PKNOX2: variants seen among roughly 807,000 people sequenced by gnomAD.
PKNOX2 encodes the protein homeobox protein PKNOX2.
In PKNOX2, 14 loss-of-function variants were observed where a neutral mutation model predicts 53.1. The ratio of observed to expected loss-of-function variants is 0.26; its 90% CI spans 0.17 to 0.41. PKNOX2 has a LOEUF of 0.41. Ranked by LOEUF, PKNOX2 falls within the 10% of genes least tolerant of loss-of-function variation. PKNOX2 has a pLI of 1.00. For synonymous variants in PKNOX2, 257 were observed against 242.8 expected (o/e 1.06, Z -0.54); for missense variants, 496 against 602.8 (o/e 0.82, Z 1.85).
chr11:125,219,043 G>A (rs1940856328), intron 1 of PKNOX2, among the ~76,000 whole-genome samples: 1 of 152,160 alleles, frequency 6.6e-6, no homozygotes, highest in South Asian at 2.1e-4. Context: ...CATGTCAACT[G>A]CAAAAGTATA....
chr11:125,395,577 C>A (rs1235739890), intron 6 of PKNOX2, among the ~76,000 whole-genome samples: 3 of 152,168 alleles, frequency 2.0e-5, no homozygotes, highest in Admixed American at 1.3e-4. Flanking sequence ...TCCTCACCAG[C>A]ATTTGGTGTT....
intron 6 of PKNOX2, among the ~76,000 whole-genome samples, chr11:125,395,590 C>T (rs1397513554): frequency 6.6e-6 from 1 of 152,088 alleles, no homozygotes; most frequent in Non-Finnish European, 1.5e-5. Context: ...TTGGTGTTGT[C>T]ATATTTATTT....
At chr11:125,171,942 C>T (rs1955352601) in intron 1 of PKNOX2, among the ~76,000 whole-genome samples, 2 of 152,172 alleles carry the variant, frequency 1.3e-5, no homozygotes, top group Admixed American at 1.3e-4. Flanking sequence ...AAAAAGCCAC[C>T]AACCAGGTGT....
intron 1 of PKNOX2, among the ~76,000 whole-genome samples, chr11:125,225,088 C>A (rs1268156869): frequency 6.6e-6 from 1 of 152,172 alleles, no homozygotes; most frequent in Non-Finnish European, 1.5e-5. Flanking sequence ...TCTTTCTACT[C>A]CCTCCAGCAC....
chr11:125,334,197 C>A (rs1565499484), intron 3 of PKNOX2, among the ~76,000 whole-genome samples: 1 of 152,192 alleles, frequency 6.6e-6, no homozygotes, highest in African/African-American at 2.4e-5. Flanking sequence ...TAGGTCCTAG[C>A]CCATCTTCTT....
rs1363423611 is a variant in PKNOX2 at position 125,385,533 on chromosome 11, C to G, written c.228-18C>G. 6.3e-7 allele frequency: 1 copy of G among 1,596,378 alleles called. No homozygotes were observed. The highest frequency in any genetic ancestry group is 8.5e-7 in the Non-Finnish European group (1 of 1,173,174). ...GTCTCTGTGTGTGCGCATGTGTGAG[C>G]TCTTGATGTCCCTGCAGGCACCCTC... is the stretch of plus-strand genomic sequence containing the variant. On this transcript the variant is annotated intron_variant, in intron 5 of 12. Coordinates refer to ENST00000298282, the MANE Select transcript of PKNOX2 (RefSeq NM_001382323.2).
chr11:125,386,999 C>T (rs1361678874), intron 6 of PKNOX2, among the ~76,000 whole-genome samples: 1 of 152,140 alleles, frequency 6.6e-6, no homozygotes, highest in African/African-American at 2.4e-5. Context: ...TCCGAGAGCC[C>T]CAAAGCCACC....
chr11:125,319,829 G>A (rs1316729055), intron 2 of PKNOX2, among the ~76,000 whole-genome samples: 1 of 152,216 alleles, frequency 6.6e-6, no homozygotes, highest in African/African-American at 2.4e-5. Flanking sequence ...AGGCCCTGTG[G>A]TGGGAAGAAG....
At chr11:125,187,504 T>C (rs1341611761) in intron 1 of PKNOX2, among the ~76,000 whole-genome samples, 1 of 152,230 alleles carries the variant, frequency 6.6e-6, no homozygotes, top group Non-Finnish European at 1.5e-5. Flanking sequence ...AGCTTGTTCA[T>C]TGCTGGTATA....
intron 1 of PKNOX2, among the ~76,000 whole-genome samples, chr11:125,218,214 A>T (rs1201430492): frequency 6.6e-6 from 1 of 152,016 alleles, no homozygotes; most frequent in East Asian, 1.9e-4. Context: ...CAGGTTTGCA[A>T]ATGCCATGAA....
At chr11:125,396,651 G>A (rs1954423066) in intron 6 of PKNOX2, among the ~76,000 whole-genome samples, 1 of 150,678 alleles carries the variant, frequency 6.6e-6, no homozygotes, top group East Asian at 1.9e-4. Flanking sequence ...TTGAAAAATT[G>A]GAAGTAATCT....
intron 4 of PKNOX2, among the ~76,000 whole-genome samples, chr11:125,361,376 C>T (rs1293338905): frequency 2.0e-5 from 3 of 152,066 alleles, no homozygotes; most frequent in East Asian, 1.9e-4. Context: ...CCCATCATGG[C>T]GGTGGGAGGT....
intron 1 of PKNOX2, among the ~76,000 whole-genome samples, chr11:125,180,511 C>A (rs1172680813): frequency 6.6e-6 from 1 of 152,202 alleles, no homozygotes; most frequent in African/African-American, 2.4e-5. Context: ...AGTCATTGGT[C>A]TTTGAGCAAC....
chr11:125,325,402 G>A (rs1949769580), intron 2 of PKNOX2, among the ~76,000 whole-genome samples: 1 of 152,176 alleles, frequency 6.6e-6, no homozygotes. Flanking sequence ...GGAGTTCATG[G>A]CTAAGGACTT....
intron 3 of PKNOX2, among the ~76,000 whole-genome samples, chr11:125,343,985 G>A (rs780972779): frequency 1.3e-5 from 2 of 152,220 alleles, no homozygotes; most frequent in Non-Finnish European, 1.5e-5. Flanking sequence ...ACCTGGTCGG[G>A]CTGGAGTTCA....
intron 4 of PKNOX2, among the ~76,000 whole-genome samples, chr11:125,360,664 AC>A (rs1435536076): frequency 2.6e-5 from 4 of 152,146 alleles, no homozygotes; most frequent in Non-Finnish European, 5.9e-5. Flanking sequence ...CAGGGGTGGC[AC>A]CCACACTGGT....
At chr11:125,341,359 C>G (rs76639151) in intron 3 of PKNOX2, among the ~76,000 whole-genome samples, 1 of 103,038 alleles carries the variant, frequency 9.7e-6, no homozygotes, top group Non-Finnish European at 2.1e-5. Context: ...GATTCCGTCT[C>G]AAAAAAAAAA....
At chr11:125,282,616 C>A (rs1341663976) in intron 2 of PKNOX2, among the ~76,000 whole-genome samples, 1 of 152,214 alleles carries the variant, frequency 6.6e-6, no homozygotes, top group South Asian at 2.1e-4. Flanking sequence ...TCTCTGTCAT[C>A]CAATGAGGGA....
intron 2 of PKNOX2, among the ~76,000 whole-genome samples, chr11:125,307,062 A>G (rs577920082): frequency 6.6e-6 from 1 of 151,814 alleles, no homozygotes; most frequent in Non-Finnish European, 1.5e-5. Context: ...TCTTTTTGCT[A>G]TTTGTTTTTC....
Sources: gnomAD v4.1 joint callset for allele counts (sites outside exome capture counted in the v4.1 genomes callset) on GRCh38, gnomAD v4.1.1 for gene constraint, MANE v1.5 for transcripts, NCBI Gene and HGNC (gene_info 2026-07-23, HGNC 2026-07-21) for gene names.